The following XKR9 variants were observed in gnomAD, a reference collection of about 807,000 sequenced individuals.
XKR9 encodes the protein XK-related protein 9.
Under a neutral mutation model 32.0 loss-of-function variants are expected in XKR9, and 32 were observed. The ratio of observed to expected loss-of-function variants is 1.00; its 90% confidence interval spans 0.76 to 1.34. The LOEUF is 1.34. Among genes scored for constraint, XKR9 ranks in the 40% most tolerant of loss-of-function variants. The probability of loss-of-function intolerance (pLI) is 0.00; values close to 1 mark genes in which losing one functional copy is unlikely to be tolerated. For synonymous variants in XKR9, 168 were observed against 143.4 expected, an observed-to-expected ratio of 1.17 and a Z score of -1.22; for missense variants, 546 against 429.7, an observed-to-expected ratio of 1.27 and a Z score of -2.39.
the XKR9 span, among the ~76,000 whole-genome samples, chr8:71,031,940 G>A: frequency 5.9e-5 from 9 of 152,044 alleles, no homozygotes; most frequent in Admixed American, 5.2e-4. Context: ...ATGACACTGC[G>A]GGAGATTGTT....
At chr8:70,815,369 G>C in the XKR9 span, among the ~76,000 whole-genome samples, 19 of 152,034 alleles carry the variant, frequency 1.2e-4, no homozygotes, top group Admixed American at 2.0e-4. Flanking sequence ...TCCCCTCTAC[G>C]TGTCCATGTG....
the XKR9 span, among the ~76,000 whole-genome samples, chr8:70,825,157 T>A: frequency 6.6e-6 from 1 of 152,082 alleles, no homozygotes; most frequent in Non-Finnish European, 1.5e-5. Flanking sequence ...TCTGAGTTAT[T>A]TGGTGAATGA....
At chr8:70,956,183 G>T in the XKR9 span, among the ~76,000 whole-genome samples, 1 of 152,096 alleles carries the variant, frequency 6.6e-6, no homozygotes, top group Non-Finnish European at 1.5e-5. Context: ...CTTCTCCCAC[G>T]TCCAGAAAGA....
intron 2 of XKR9, among the ~76,000 whole-genome samples, chr8:70,784,445 T>A (rs552307494): frequency 9.9e-5 from 15 of 152,238 alleles, no homozygotes; most frequent in Admixed American, 6.5e-4. Flanking sequence ...TTATTCCTTT[T>A]TTTGTACCTA....
Position 70,734,446 on chromosome 8 carries a change from T to G in XKR9, c.*22T>G, listed in dbSNP as rs762887719. The G allele has an allele frequency of 1.4e-6, 2 of 1,474,380 alleles. No homozygotes were observed. The highest frequency in any genetic ancestry group is 4.8e-5 in the East Asian group (2 of 41,686). 91.3% of individuals were successfully genotyped at this position (1,474,380 alleles called of 1,614,324 possible). ...ATAAGCTATTCATTTATGATATATA[T>G]TTTCTTATATTTTGTTTCATTGGTT... On this transcript the variant is annotated 3_prime_UTR_variant, in exon 5 of 5. Transcript: ENST00000408926.
rs1365914466 is a variant in XKR9, at chr8:70,735,348, G to C, written c.*924G>C. The C allele has an allele frequency of 6.6e-6, 1 of 151,862 alleles. No homozygotes were observed. The highest frequency in any genetic ancestry group is 1.5e-5 in the Non-Finnish European group (1 of 67,970). The allele number at this position is 151,862 out of a possible 1,614,324, so 9.4% of individuals were successfully genotyped here. Reference sequence around the variant, plus strand: ...GATACCTTGTTGCCATGGTTTGAATGTGCCCCCCAGATTTCATGTGTGTGA... The same window carrying C: ...GATACCTTGTTGCCATGGTTTGAATCTGCCCCCCAGATTTCATGTGTGTGA... On this transcript the variant is annotated 3_prime_UTR_variant, in exon 5 of 5. Transcript: ENST00000408926.
At chr8:70,918,549 G>C in the XKR9 span, among the ~76,000 whole-genome samples, 1 of 151,900 alleles carries the variant, frequency 6.6e-6, no homozygotes, top group African/African-American at 2.4e-5. Context: ...GTCTTCCAGA[G>C]CTCCTGTAAA....
At chr8:71,004,456 C>G in the XKR9 span, among the ~76,000 whole-genome samples, 1 of 152,178 alleles carries the variant, frequency 6.6e-6, no homozygotes. Context: ...GAAAGACAAA[C>G]AATTGTAAGA....
chr8:70,700,827 C>G (rs1185321652), intron 3 of XKR9, among the ~76,000 whole-genome samples: 2 of 152,206 alleles, frequency 1.3e-5, no homozygotes, highest in African/African-American at 2.4e-5. Flanking sequence ...TTGAGCTGTG[C>G]TGGGCTCCAC....
chr8:70,702,988 CT>C (rs1215836079), intron 3 of XKR9, among the ~76,000 whole-genome samples: 2 of 152,052 alleles, frequency 1.3e-5, no homozygotes, highest in African/African-American at 4.8e-5. Context: ...AGGAATATGT[CT>C]TTTTTCTCTA....
intron 2 of XKR9, among the ~76,000 whole-genome samples, chr8:70,749,121 T>A (rs1807098960): frequency 6.6e-6 from 1 of 152,244 alleles, no homozygotes; most frequent in African/African-American, 2.4e-5. Flanking sequence ...AGTGACCCAC[T>A]TCAGGTCTCC....
chr8:70,792,070 G>T (rs917563765), downstream of XKR9, among the ~76,000 whole-genome samples: 1 of 151,990 alleles, frequency 6.6e-6, no homozygotes, highest in Non-Finnish European at 1.5e-5. Context: ...TCAGTTATTC[G>T]ATCTTCAGTG....
intron 3 of XKR9, among the ~76,000 whole-genome samples, chr8:70,695,316 A>G (rs1178739439): frequency 9.1e-6 from 1 of 109,744 alleles, no homozygotes; most frequent in African/African-American, 3.3e-5. Context: ...TCCTAATGCT[A>G]TCCCTCCCCC....
chr8:70,876,750 GTC>G, the XKR9 span, among the ~76,000 whole-genome samples: 1 of 152,066 alleles, frequency 6.6e-6, no homozygotes, highest in African/African-American at 2.4e-5. Context: ...GAGTTTCTGA[GTC>G]TGAAGCTATG....
At chr8:70,966,394 T>A in the XKR9 span, among the ~76,000 whole-genome samples, 3 of 152,114 alleles carry the variant, frequency 2.0e-5, no homozygotes, top group Non-Finnish European at 4.4e-5. Context: ...AATACAGGCA[T>A]GCACCACCAT....
At position 70,730,640 on chromosome 8, in the gene XKR9, A is replaced by G. The variant is rs193157250; in HGVS notation, c.494-3156A>G. 1.5e-3 allele frequency among the ~76,000 whole-genome samples: 224 copies of G among 152,264 alleles called. 6 individuals carry two copies. The highest frequency in any genetic ancestry group is 0.015 in the Admixed American group (223 of 15,304). On this transcript the variant is annotated intron_variant, in intron 4 of 4. Transcript: ENST00000408926. ...TAGTTCAGAGAAAGGAAAATTCAAG[A>G]CAGGAACTCAGAAGCGATTGTTGAG... is the stretch of plus-strand genomic sequence containing the variant.
chr8:70,790,272 A>C (rs1807748054), exon 4 of XKR9: 1 of 152,064 alleles, frequency 6.6e-6, no homozygotes, highest in Admixed American at 6.6e-5. Context: ...TGGGGGAACA[A>C]GTTGAAAGTA....
chr8:70,928,854 A>G, the XKR9 span, among the ~76,000 whole-genome samples: 1 of 152,182 alleles, frequency 6.6e-6, no homozygotes, highest in Non-Finnish European at 1.5e-5. Flanking sequence ...ACATTTAACT[A>G]AAACAAATCC....
At chr8:70,700,325 G>T (rs1188665621) in intron 3 of XKR9, among the ~76,000 whole-genome samples, 1 of 152,056 alleles carries the variant, frequency 6.6e-6, no homozygotes, top group Non-Finnish European at 1.5e-5. Flanking sequence ...ATCTACTTTT[G>T]GTCTTTGATG....
Sources: allele counts gnomAD v4.1 joint callset (sites outside exome capture counted in the v4.1 genomes callset), GRCh38; gene constraint gnomAD v4.1.1; transcripts MANE v1.5; gene names NCBI Gene and HGNC (gene_info 2026-07-23, HGNC 2026-07-21).